Variants in DPYS observed in about 807,000 individuals in gnomAD.
DPYS encodes the protein dihydropyrimidinase.
In DPYS, 39 loss-of-function variants were observed where a neutral mutation model predicts 50.3. That is an observed-to-expected ratio of 0.78 (90% CI 0.60 to 1.01). The LOEUF is 1.01. Ranked by LOEUF, DPYS falls within the 50% of genes least tolerant of loss-of-function variation. The probability of loss-of-function intolerance (pLI) is 0.00; values close to 1 mark genes in which losing one functional copy is unlikely to be tolerated. For missense variants in DPYS, 659 were observed against 680.9 expected, an observed-to-expected ratio of 0.97 and a Z score of 0.36; for synonymous variants, 245 against 250.7, an observed-to-expected ratio of 0.98 and a Z score of 0.22.
rs74657591 is a variant in DPYS, at chr8:104,456,712, C to G, written c.265-5308G>C. Among the ~76,000 whole-genome samples, 419 of 152,310 alleles carry G rather than the reference C, an allele frequency of 2.8e-3. 5 individuals are homozygous for G. The East Asian group carries it at 0.04, about 15-fold the overall frequency. ...CATTTTTATTTGTCAGTTAGCCAAA[C>G]AAAATGGATTTAGCTTTTCTAACCT... On this transcript the variant is annotated intron_variant, in intron 1 of 9. Coordinates refer to ENST00000351513, the MANE Select transcript of DPYS (RefSeq NM_001385.3).
intron 7 of DPYS, among the ~76,000 whole-genome samples, chr8:104,404,736 G>A (rs1042976548): frequency 2.6e-5 from 4 of 152,248 alleles, no homozygotes; most frequent in Non-Finnish European, 4.4e-5. Context: ...CTGGCCCATA[G>A]CCTGCATTGT....
chr8:104,450,338 A>C (rs1303622494), intron 2 of DPYS, among the ~76,000 whole-genome samples: 1 of 152,174 alleles, frequency 6.6e-6, no homozygotes, highest in African/African-American at 2.4e-5. Flanking sequence ...TACCTGTTAA[A>C]GATTGATTAT....
At chr8:104,466,533 C>T (rs1160582507) in intron 1 of DPYS, 124 bp downstream of exon 1, 4 of 1,155,676 alleles carry the variant, frequency 3.5e-6, no homozygotes, top group Admixed American at 4.0e-5. Flanking sequence ...GCGCTCCTTC[C>T]CGCCCACCCA....
intron 7 of DPYS, among the ~76,000 whole-genome samples, chr8:104,409,642 G>A (rs1264957967): frequency 2.0e-5 from 3 of 151,936 alleles, no homozygotes; most frequent in African/African-American, 7.2e-5. Flanking sequence ...CATTATAAAA[G>A]TCATTTACTT....
intron 7 of DPYS, among the ~76,000 whole-genome samples, chr8:104,396,817 C>T (rs929803383): frequency 2.0e-4 from 23 of 114,166 alleles, no homozygotes; most frequent in Non-Finnish European, 6.2e-5. Flanking sequence ...GATTTCTTTG[C>T]CTCATACCAA....
chr8:104,418,959 A>C (rs1334867735), intron 7 of DPYS: 2 of 969,576 alleles, frequency 2.1e-6, no homozygotes, highest in Non-Finnish European at 2.5e-6. Flanking sequence ...TCCTGTGCAG[A>C]GTGAATTTGT....
At chr8:104,404,438 A>G (rs1442740035) in intron 7 of DPYS, among the ~76,000 whole-genome samples, 1 of 152,262 alleles carries the variant, frequency 6.6e-6, no homozygotes, top group African/African-American at 2.4e-5. Context: ...TGAATTGATG[A>G]AGCCACTTAT....
chr8:104,448,896 G>A (rs530471094), intron 2 of DPYS, among the ~76,000 whole-genome samples: 12 of 152,160 alleles, frequency 7.9e-5, no homozygotes, highest in East Asian at 5.8e-4. Context: ...CTTATCACCC[G>A]GCATAGCAGT....
chr8:104,438,274 A>G (rs1241050932), intron 4 of DPYS, among the ~76,000 whole-genome samples: 1 of 152,208 alleles, frequency 6.6e-6, no homozygotes. Flanking sequence ...AGCTGATTCT[A>G]TTCAATAGAA....
intron 4 of DPYS, among the ~76,000 whole-genome samples, chr8:104,435,448 G>A (rs759293879): frequency 6.6e-6 from 1 of 151,914 alleles, no homozygotes; most frequent in Non-Finnish European, 1.5e-5. Flanking sequence ...GGGTGGATGA[G>A]AACTAATCTA....
At chr8:104,458,241 A>C (rs1346920753) in intron 1 of DPYS, among the ~76,000 whole-genome samples, 1 of 152,158 alleles carries the variant, frequency 6.6e-6, no homozygotes, top group Non-Finnish European at 1.5e-5. Flanking sequence ...CTTTGCTCTT[A>C]AGATGGAGAA....
chr8:104,428,220 T>A, intron 5 of DPYS, 99 bp from the exon 6 acceptor site: 1 of 1,531,562 alleles, frequency 6.5e-7, no homozygotes, highest in South Asian at 1.1e-5. Context: ...CCCTTCTCAA[T>A]TGAAGTCAGA....
intron 7 of DPYS, among the ~76,000 whole-genome samples, chr8:104,402,176 A>T (rs1247798411): frequency 1.3e-5 from 2 of 152,204 alleles, no homozygotes; most frequent in Non-Finnish European, 2.9e-5. Flanking sequence ...GTATGTAGGT[A>T]CCATGTCCTT....
intron 1 of DPYS, among the ~76,000 whole-genome samples, chr8:104,454,635 G>T (rs1374575927): frequency 1.3e-5 from 2 of 152,122 alleles, no homozygotes; most frequent in Non-Finnish European, 2.9e-5. Context: ...AGGAGAAGCA[G>T]AAATATGAAT....
In DPYS at chr8:104,451,400, G is replaced by A. The variant is rs958064359; in HGVS notation, c.269C>T (p.Ala90Val). The A allele has an allele frequency of 5.0e-6, 8 of 1,614,006 alleles. No homozygotes were observed. In the African/African-American group the frequency reaches 1.1e-4, roughly 22 times the overall value. The change falls in exon 2 of 10, where the codon GCT becomes GTT. Residue 90 changes from alanine to valine, a missense_variant. Coordinates refer to ENST00000351513, the MANE Select transcript of DPYS (RefSeq NM_001385.3). ...IDDFHQGTKA[A>V]LSGGTTMIID... ...AATCATGGTGGTGCCTCCTGAGAGA[G>A]CAGCCTGGAATCATAAGAGGTTTTC...
chr8:104,407,151 T>C (rs1458329371), intron 7 of DPYS, among the ~76,000 whole-genome samples: 1 of 152,246 alleles, frequency 6.6e-6, no homozygotes, highest in Non-Finnish European at 1.5e-5. Flanking sequence ...CTCATTATTT[T>C]ATTTAACCCT....
chr8:104,391,815 G>A (rs73699422), intron 8 of DPYS, among the ~76,000 whole-genome samples: 9,655 of 152,020 alleles, frequency 0.064, 371 homozygotes, highest in African/African-American at 0.094. Context: ...TCACTCTGTT[G>A]TCCAGGCTGT....
intron 6 of DPYS, among the ~76,000 whole-genome samples, 171 bp downstream of exon 6, chr8:104,427,809 T>C (rs1261599798): frequency 1.3e-5 from 2 of 152,262 alleles, no homozygotes; most frequent in Admixed American, 1.3e-4. Flanking sequence ...GCTGATGCTA[T>C]ACTGAGGGAT....
rs192242774 is a variant in DPYS, at chr8:104,380,958, T to C, written c.*14+226A>G. ...TGATTATCCAAGGCTGTATTGAATG[T>C]TTCCTAACATCTTAAAGAATGACTC... On this transcript the variant is annotated intron_variant, in intron 9 of 9. Coordinates refer to ENST00000351513, the MANE Select transcript of DPYS (RefSeq NM_001385.3). 5.6e-3 allele frequency: 2,698 copies of C among 479,128 alleles called. 23 individuals are homozygous for C. Among genetic ancestry groups the C allele is most frequent in the Non-Finnish European group, 8.3e-3 (2,168 of 260,208 alleles). 29.7% of individuals were successfully genotyped at this position (479,128 alleles called of 1,614,324 possible). A position where few individuals can be genotyped will look rare whatever the true frequency, so the allele number is the denominator to read the frequency against.
Sources: gnomAD v4.1 joint callset for allele counts (sites outside exome capture counted in the v4.1 genomes callset) on GRCh38, gnomAD v4.1.1 for gene constraint, MANE v1.5 for transcripts, NCBI Gene and HGNC (gene_info 2026-07-23, HGNC 2026-07-21) for gene names.